OVGP1: variants seen among roughly 807,000 people sequenced by gnomAD.
OVGP1 encodes the protein oviductal glycoprotein 1, also known as oviduct-specific glycoprotein.
A neutral mutation model predicts 48.2 loss-of-function variants in OVGP1; 26 were observed. The ratio of observed to expected loss-of-function variants is 0.54; its 90% CI spans 0.40 to 0.75. The LOEUF (loss-of-function observed/expected upper bound fraction) is 0.75, where lower values mean the gene tolerates loss of function less well. Ranked by LOEUF, OVGP1 falls within the 30% of genes least tolerant of loss-of-function variation. The pLI is 0.00. For synonymous variants in OVGP1, 294 were observed against 305.7 expected, an observed-to-expected ratio of 0.96 and a Z score of 0.40; for missense variants, 791 against 820.6, an observed-to-expected ratio of 0.96 and a Z score of 0.44.
chr1:111,419,526 C>T (rs1652209182), intron 9 of OVGP1, 84 bp downstream of exon 9: 24 of 809,198 alleles, frequency 3.0e-5, no homozygotes, highest in Non-Finnish European at 5.0e-5. Flanking sequence ...CCACCCAATA[C>T]ACATACATGC....
Position 111,415,193 on chromosome 1 carries a change from G to A in OVGP1, c.1308C>T (p.His436=), listed in dbSNP as rs529407864. Residue 436 remains histidine (H), a synonymous_variant, in exon 11 of 11, where the codon CAC becomes CAT. Transcript: ENST00000369732. ...TTATAGTCATATTTTCACACTTTCC[G>A]TGGATCTCAGTGACCCCAGCCTCTC... ...PGGEAGVTEI[H]GKCENMTITP... is the part of the protein sequence containing the mutation. 3.2e-5 allele frequency: 51 copies of A among 1,614,134 alleles called. 1 individual carries two copies. The highest frequency in any genetic ancestry group is 2.4e-4 in the African/African-American group (18 of 75,016).
At position 111,416,395 on chromosome 1, in the gene OVGP1, C is replaced by A; in HGVS notation, c.1084G>T (p.Val362Phe). Reference sequence around the variant, plus strand: ...CCAGTGCCACAGAACGTGCCCCTGACGTCATCCATGTCCAATGTCCACACC... The same window carrying A: ...CCAGTGCCACAGAACGTGCCCCTGAAGTCATCCATGTCCAATGTCCACACC... ...AMVWTLDMDD[V>F]RGTFCGTGPF... is the part of the protein sequence containing the mutation. The change falls in exon 10 of 11, where the codon GTC becomes TTC. Residue 362 changes from valine (V) to phenylalanine (F), a missense_variant. Val to Phe is a conservative substitution (Grantham distance 50). Transcript: ENST00000369732. 1 of 1,609,460 alleles carries A rather than the reference C, an allele frequency of 6.2e-7. No homozygotes were observed. Among genetic ancestry groups the A allele is most frequent in the Non-Finnish European group, 8.5e-7 (1 of 1,177,928 alleles).
At position 111,425,439 on chromosome 1, in the gene OVGP1, C is replaced by T; in HGVS notation, c.261G>A (p.Arg87=). 5.0e-6 allele frequency: 8 copies of T among 1,614,088 alleles called. No individual in the cohort carries two copies. Among genetic ancestry groups the T allele is most frequent in the Non-Finnish European group, 6.8e-6 (8 of 1,179,976 alleles). Residue 87 remains arginine (R), a splice_region_variant and synonymous_variant, in exon 4 of 11, where the codon AGG becomes AGA. Transcript: ENST00000369732. ...ACAGTAGTGTTTTCAGCTCTCTGTT[C>T]CTATGATGTGAGAGAGAGGGTTGAT... The part of the protein sequence containing the change: ...LYPEFNKLKE[R]NRELKTLLSI...
rs1469368076 is a variant in OVGP1, at chr1:111,426,572, A to G, written c.125T>C (p.Leu42Ser). 1 of 1,614,028 alleles carries G rather than the reference A, an allele frequency of 6.2e-7. No individual in the cohort carries two copies. Among genetic ancestry groups the G allele is most frequent in the Non-Finnish European group, 8.5e-7 (1 of 1,180,022 alleles). ...AHSRPGPASI[L>S]PHDLDPFLCT... ...GAGAAAGGGGTCCAGGTCATGGGGCAAGATCGAGGCAGGGCCTGGCCGACT... is the reference window on the plus strand; with the variant it reads ...GAGAAAGGGGTCCAGGTCATGGGGCGAGATCGAGGCAGGGCCTGGCCGACT... The change falls in exon 3 of 11, where the codon TTG (leucine) becomes TCG (serine). Residue 42 changes from leucine to serine, a missense_variant. Leu to Ser is a moderately radical substitution (Grantham distance 145). Coordinates refer to ENST00000369732, the MANE Select transcript of OVGP1 (RefSeq NM_002557.4).
intron 4 of OVGP1, among the ~76,000 whole-genome samples, chr1:111,424,106 A>G (rs760722384): frequency 3.9e-5 from 6 of 152,098 alleles, no homozygotes; most frequent in Admixed American, 1.3e-4. Flanking sequence ...CTCAATTCCC[A>G]CAACCTGTCC....
At chr1:111,422,617 A>G (rs543433942) in intron 6 of OVGP1, among the ~76,000 whole-genome samples, 2 of 152,306 alleles carry the variant, frequency 1.3e-5, no homozygotes, top group Non-Finnish European at 2.9e-5. Flanking sequence ...CTGGGTAGAA[A>G]GAGGACAGGC....
rs564355906 is a variant in OVGP1 at position 111,426,373 on chromosome 1, A to G, written c.260+64T>C. ...AGAAAGTTGAAGAGTAACAGGAGAA[A>G]TAGACTGTTATCTTATACCTGTGAA... On this transcript the variant is annotated intron_variant, in intron 3 of 10. Transcript: ENST00000369732. The G allele has an allele frequency of 8.1e-6, 13 of 1,608,908 alleles. No individual in the cohort carries two copies. The East Asian group carries it at 2.9e-4, about 36-fold the overall frequency.
At chr1:111,423,955 G>A (rs79891093) in intron 4 of OVGP1, among the ~76,000 whole-genome samples, 6,590 of 152,298 alleles carry the variant, frequency 0.043, 253 homozygotes, top group East Asian at 0.17. Context: ...AAGGCCAGAC[G>A]GCACAGGGAA....
At chr1:111,421,202 C>A in intron 8 of OVGP1, 74 bp downstream of exon 8, 1 of 1,419,992 alleles carries the variant, frequency 7.0e-7, no homozygotes, top group South Asian at 1.4e-5. Flanking sequence ...TGCCATTGCC[C>A]CTTGTCCTGG....
At chr1:111,427,622 A>G in intron 1 of OVGP1, 75 bp downstream of exon 1, 1 of 1,510,810 alleles carries the variant, frequency 6.6e-7, no homozygotes, top group Non-Finnish European at 9.2e-7. Flanking sequence ...TCTCTCAGGC[A>G]CCAGAGAGAT....
intron 2 of OVGP1, 182 bp downstream of exon 2, chr1:111,426,880 C>A (rs961520110): frequency 3.9e-6 from 6 of 1,547,548 alleles, no homozygotes; most frequent in Non-Finnish European, 5.2e-6. Context: ...CAAGTCTGGA[C>A]CAAGGCACAC....
chr1:111,415,034 A>C lies in OVGP1; in HGVS notation c.1467T>G (p.Pro489=), dbSNP rs1652094825. ...MTSVGHQSMT[P]GEKALTPVGH... is the part of the protein sequence containing the mutation. ...CCACAGGGGTCAGGGCCTTCTCTCCAGGGGTCATGGACTGATGACCCACAG... is the reference window on the plus strand; with the variant it reads ...CCACAGGGGTCAGGGCCTTCTCTCCCGGGGTCATGGACTGATGACCCACAG... Residue 489 remains proline, a synonymous_variant, in exon 11 of 11, where the codon CCT becomes CCG. Coordinates refer to ENST00000369732, the MANE Select transcript of OVGP1 (RefSeq NM_002557.4). 1 of 1,613,602 alleles carries C rather than the reference A, an allele frequency of 6.2e-7. No individual in the cohort carries two copies.
intron 8 of OVGP1, among the ~76,000 whole-genome samples, chr1:111,420,458 A>G (rs1160639379): frequency 1.3e-5 from 2 of 152,206 alleles, no homozygotes; most frequent in Non-Finnish European, 2.9e-5. Flanking sequence ...CAGAGCAGAG[A>G]TTGGAGAGAC....
intron 4 of OVGP1, 56 bp from the exon 5 acceptor site, chr1:111,423,764 T>G: frequency 2.6e-6 from 4 of 1,544,578 alleles, no homozygotes; most frequent in Non-Finnish European, 3.5e-6. Context: ...CACAACCTCC[T>G]ACAAGGCCCC....
At position 111,426,760 on chromosome 1, in the gene OVGP1, C is replaced by T. The variant is rs142439279; in HGVS notation, c.56-119G>A. On this transcript the variant is annotated intron_variant, in intron 2 of 10. Coordinates refer to ENST00000369732, the MANE Select transcript of OVGP1 (RefSeq NM_002557.4). Reference sequence around the variant, plus strand: ...AGGCCACATTTTCACATCCTCTCTCCCTGGCCCTGAAGTACACCTCAGAAC... The same window carrying T: ...AGGCCACATTTTCACATCCTCTCTCTCTGGCCCTGAAGTACACCTCAGAAC... 1,268 of 1,549,616 alleles carry T rather than the reference C, an allele frequency of 8.2e-4. 18 individuals are homozygous for T. In the African/African-American group the frequency reaches 0.016, roughly 19 times the overall value.
rs764446920 is a variant in OVGP1, at chr1:111,415,221, C to G, written c.1280G>C (p.Gly427Ala). The G allele has an allele frequency of 1.5e-5, 24 of 1,614,088 alleles. No individual in the cohort carries two copies. Among genetic ancestry groups the G allele is most frequent in the Non-Finnish European group, 2.0e-5 (24 of 1,180,036 alleles). ...WTTDSKILPP[G>A]GEAGVTEIHG... ...GATCTCAGTGACCCCAGCCTCTCCTCCTGGGGGCAAAATCTTACTATCAGT... is the reference window on the plus strand; with the variant it reads ...GATCTCAGTGACCCCAGCCTCTCCTGCTGGGGGCAAAATCTTACTATCAGT... Residue 427 changes from glycine to alanine, a missense_variant, in exon 11 of 11, where the codon GGA becomes GCA. Gly to Ala is a moderately conservative substitution (Grantham distance 60). Coordinates refer to ENST00000369732, the MANE Select transcript of OVGP1 (RefSeq NM_002557.4).
At position 111,423,525 on chromosome 1, in the gene OVGP1, C is replaced by T; in HGVS notation, c.483+18G>A. Reference sequence around the variant, plus strand: ...GTAGAATCATTTCTGGATTCTGGCGCTTCTAGACCAGACTTACTTCAATTA... The same window carrying T: ...GTAGAATCATTTCTGGATTCTGGCGTTTCTAGACCAGACTTACTTCAATTA... On this transcript the variant is annotated intron_variant, in intron 5 of 10. Transcript: ENST00000369732. The T allele has an allele frequency of 1.2e-6, 2 of 1,612,742 alleles. No homozygotes were observed. Among genetic ancestry groups the T allele is most frequent in the Middle Eastern group, 1.7e-4 (1 of 6,048 alleles).
chr1:111,415,293 G>C lies in OVGP1; in HGVS notation c.1208C>G (p.Ser403Cys), dbSNP rs775859093. ...CAGCCTTTCAGGGTCAGTGCTTGAA[G>C]AATTCACAGCAGATGACAGCCAAAA... ...PQFWLSSAVN[S>C]SSTDPERLAV... The change falls in exon 11 of 11, where the codon TCT (serine) becomes TGT (cysteine). Residue 403 changes from serine (S) to cysteine (C), a missense_variant. Physicochemically the swap from Ser to Cys is moderately radical, Grantham distance 112. Transcript: ENST00000369732. 2.2e-5 allele frequency: 35 copies of C among 1,613,920 alleles called. No homozygotes were observed. Among genetic ancestry groups the C allele is most frequent in the Non-Finnish European group, 2.9e-5 (34 of 1,179,938 alleles).
At chr1:111,418,181 T>A (rs1652179807) in intron 9 of OVGP1, among the ~76,000 whole-genome samples, 1 of 152,192 alleles carries the variant, frequency 6.6e-6, no homozygotes, top group South Asian at 2.1e-4. Context: ...CCTGGCTTCA[T>A]GTCTCCTCAC....
Sources: gnomAD v4.1 joint callset for allele counts (sites outside exome capture counted in the v4.1 genomes callset) on GRCh38, gnomAD v4.1.1 for gene constraint, MANE v1.5 for transcripts, NCBI Gene and HGNC (gene_info 2026-07-23, HGNC 2026-07-21) for gene names.